The following FBXL17 variants were observed in gnomAD, a reference collection of about 807,000 sequenced individuals.
FBXL17 encodes F-box/LRR-repeat protein 17.
A neutral mutation model predicts 66.2 loss-of-function variants in FBXL17; 22 were observed. That is an observed-to-expected ratio of 0.33 (90% CI 0.24 to 0.47). FBXL17 has a LOEUF of 0.47. Ranked by LOEUF, FBXL17 falls within the 20% of genes least tolerant of loss-of-function variation. The probability of loss-of-function intolerance (pLI) is 1.00; values close to 1 mark genes in which losing one functional copy is unlikely to be tolerated. For synonymous variants in FBXL17, 474 were observed against 400.5 expected, an observed-to-expected ratio of 1.18 and a Z score of -2.19; for missense variants, 878 against 948.2, an observed-to-expected ratio of 0.93 and a Z score of 0.97.
chr5:107,995,557 T>G (rs1753438527), intron 7 of FBXL17, among the ~76,000 whole-genome samples: 1 of 151,704 alleles, frequency 6.6e-6, no homozygotes, highest in Admixed American at 6.6e-5. Context: ...TTATAAGAGT[T>G]TGTGTGTGTG....
At chr5:108,000,618 T>C (rs1246269783) in intron 7 of FBXL17, among the ~76,000 whole-genome samples, 1 of 152,172 alleles carries the variant, frequency 6.6e-6, no homozygotes, top group Non-Finnish European at 1.5e-5. Flanking sequence ...ATCCATACAC[T>C]GAATAAAAAC....
intron 6 of FBXL17, among the ~76,000 whole-genome samples, chr5:108,022,902 T>C (rs1416780652): frequency 6.6e-6 from 1 of 151,946 alleles, no homozygotes; most frequent in Admixed American, 6.6e-5. Flanking sequence ...TGATAAAGGG[T>C]CATGAGCATC....
At chr5:108,289,963 A>G (rs1186086050) in intron 4 of FBXL17, among the ~76,000 whole-genome samples, 3 of 152,198 alleles carry the variant, frequency 2.0e-5, no homozygotes, top group African/African-American at 7.2e-5. Flanking sequence ...AACATTCACA[A>G]AAACGCACAA....
At chr5:107,882,999 G>A (rs565304995) in intron 7 of FBXL17, among the ~76,000 whole-genome samples, 1 of 152,270 alleles carries the variant, frequency 6.6e-6, no homozygotes, top group Non-Finnish European at 1.5e-5. Flanking sequence ...TAAAATCACT[G>A]ATGTTTGAAG....
At chr5:108,229,546 C>T (rs1366162076) in intron 4 of FBXL17, among the ~76,000 whole-genome samples, 6 of 152,248 alleles carry the variant, frequency 3.9e-5, no homozygotes, top group Non-Finnish European at 8.8e-5. Context: ...CCTCATCTCT[C>T]ACCTTATACA....
intron 6 of FBXL17, among the ~76,000 whole-genome samples, chr5:108,051,552 T>G (rs1047677110): frequency 1.4e-4 from 22 of 152,106 alleles, no homozygotes; most frequent in African/African-American, 5.3e-4. Flanking sequence ...CCCTTCACAT[T>G]AAAAACTCTC....
chr5:107,891,237 C>A (rs917050533), intron 7 of FBXL17, among the ~76,000 whole-genome samples: 6 of 151,998 alleles, frequency 3.9e-5, no homozygotes, highest in Non-Finnish European at 8.8e-5. Context: ...CTGGTTTGTT[C>A]CAAAACGATG....
chr5:107,973,139 C>A (rs1425500197), intron 7 of FBXL17, among the ~76,000 whole-genome samples: 3 of 152,078 alleles, frequency 2.0e-5, no homozygotes, highest in African/African-American at 7.2e-5. Context: ...GAAATGGAGC[C>A]TGTTCAGGGT....
At chr5:108,106,293 G>C (rs1749793106) in intron 6 of FBXL17, among the ~76,000 whole-genome samples, 1 of 152,198 alleles carries the variant, frequency 6.6e-6, no homozygotes, top group African/African-American at 2.4e-5. Context: ...GTAGAAATTA[G>C]ACTCTTAAAC....
At chr5:107,970,492 C>T (rs1413448115) in intron 7 of FBXL17, among the ~76,000 whole-genome samples, 2 of 152,154 alleles carry the variant, frequency 1.3e-5, no homozygotes, top group African/African-American at 2.4e-5. Flanking sequence ...TCGTCTAGTG[C>T]GGTTTTCTTC....
chr5:107,913,188 G>T, intron 7 of FBXL17, among the ~76,000 whole-genome samples: 1 of 152,016 alleles, frequency 6.6e-6, no homozygotes, highest in East Asian at 1.9e-4. Flanking sequence ...AGCTGAAGAA[G>T]CTGGTATGGA....
chr5:107,983,724 C>T (rs555793889), intron 7 of FBXL17, among the ~76,000 whole-genome samples: 4 of 152,182 alleles, frequency 2.6e-5, no homozygotes, highest in African/African-American at 4.8e-5. Context: ...GGGCAAAGTC[C>T]GGAGAGGACT....
chr5:108,143,200 A>G (rs1751424300), intron 6 of FBXL17, among the ~76,000 whole-genome samples: 1 of 151,982 alleles, frequency 6.6e-6, no homozygotes, highest in African/African-American at 2.4e-5. Flanking sequence ...AAGGTTGGGG[A>G]CCACTGCCTT....
chr5:108,318,213 T>C (rs1044422162), intron 4 of FBXL17, among the ~76,000 whole-genome samples: 1 of 151,858 alleles, frequency 6.6e-6, no homozygotes, highest in East Asian at 1.9e-4. Flanking sequence ...AGTAATGAGC[T>C]ATACCCAGCA....
chr5:108,207,652 A>T (rs2150056580), intron 5 of FBXL17, among the ~76,000 whole-genome samples: 1 of 152,074 alleles, frequency 6.6e-6, no homozygotes, highest in Admixed American at 6.6e-5. Flanking sequence ...AAGGACATGA[A>T]CTCATCTTTT....
intron 4 of FBXL17, among the ~76,000 whole-genome samples, chr5:108,286,324 C>T (rs1757898493): frequency 6.6e-6 from 1 of 151,560 alleles, no homozygotes; most frequent in East Asian, 1.9e-4. Flanking sequence ...TGAAAGACAA[C>T]CAAATAGAAA....
chr5:108,333,638 A>T (rs374373481), intron 4 of FBXL17, among the ~76,000 whole-genome samples: 1 of 152,140 alleles, frequency 6.6e-6, no homozygotes, highest in Non-Finnish European at 1.5e-5. Flanking sequence ...GAAACTGTCA[A>T]TTCTCAATTT....
In FBXL17 at chr5:108,323,265, T is replaced by TA. The variant is rs1018845352; in HGVS notation, c.1506+25133dup. 7.8e-3 allele frequency among the ~76,000 whole-genome samples: 1,139 copies of TA among 145,524 alleles called. 13 individuals are homozygous for TA. The highest frequency in any genetic ancestry group is 0.022 in the African/African-American group (891 of 39,868). ...AAATGACTTCAGCAAAGTTGTAGAA[T>TA]AAAAAAAAAACATAAAAAATCAGGT... On this transcript the variant is annotated intron_variant, in intron 4 of 8. Coordinates refer to ENST00000542267, the MANE Select transcript of FBXL17 (RefSeq NM_001163315.3).
intron 5 of FBXL17, among the ~76,000 whole-genome samples, chr5:108,192,594 C>T (rs190196961): frequency 1.3e-5 from 2 of 152,174 alleles, no homozygotes; most frequent in Admixed American, 1.3e-4. Flanking sequence ...GAGTTCGAGA[C>T]CAGCCTGACC....
Sources: allele counts gnomAD v4.1 joint callset (sites outside exome capture counted in the v4.1 genomes callset), GRCh38; gene constraint gnomAD v4.1.1; transcripts MANE v1.5; gene names NCBI Gene and HGNC (gene_info 2026-07-23, HGNC 2026-07-21).